RALYL: variants seen among roughly 807,000 people sequenced by gnomAD.
RALYL encodes the protein RNA-binding Raly-like protein.
A neutral mutation model predicts 35.1 loss-of-function variants in RALYL; 29 were observed. That is an observed-to-expected ratio of 0.83 (90% CI 0.61 to 1.13). The LOEUF is 1.13. RALYL is among the 50% of genes most tolerant of loss of function. The pLI is 0.00. For synonymous variants in RALYL, 120 were observed against 127.6 expected, an observed-to-expected ratio of 0.94 and a Z score of 0.40; for missense variants, 359 against 360.4, an observed-to-expected ratio of 1.00 and a Z score of 0.03.
At chr8:84,778,035 A>G (rs1323482732) in intron 3 of RALYL, among the ~76,000 whole-genome samples, 1 of 152,168 alleles carries the variant, frequency 6.6e-6, no homozygotes, top group Non-Finnish European at 1.5e-5. Flanking sequence ...TTTAGTGTGT[A>G]TCTACTATGG....
chr8:84,902,314 A>G (rs972018142), intron 8 of RALYL, among the ~76,000 whole-genome samples: 1 of 152,092 alleles, frequency 6.6e-6, no homozygotes, highest in African/African-American at 2.4e-5. Context: ...TTTCAAACAG[A>G]CAGATCTCAC....
At chr8:84,897,595 T>C (rs1373312891) in intron 8 of RALYL, among the ~76,000 whole-genome samples, 2 of 152,208 alleles carry the variant, frequency 1.3e-5, no homozygotes, top group Non-Finnish European at 2.9e-5. Flanking sequence ...GTTTTTGCTA[T>C]AGATTTGTTC....
At chr8:84,384,092 T>G (rs997111280) in intron 1 of RALYL, among the ~76,000 whole-genome samples, 1 of 151,886 alleles carries the variant, frequency 6.6e-6, no homozygotes, top group Middle Eastern at 3.4e-3. Flanking sequence ...TTATTCTCAT[T>G]TTTACAAAAT....
chr8:84,798,003 C>G (rs574351100), intron 3 of RALYL, among the ~76,000 whole-genome samples: 2 of 152,258 alleles, frequency 1.3e-5, no homozygotes, highest in Admixed American at 6.5e-5. Context: ...ATCTTCTGCC[C>G]CCTTCTGAAC....
intron 1 of RALYL, among the ~76,000 whole-genome samples, chr8:84,448,424 TGTTA>T (rs1355924010): frequency 2.0e-5 from 3 of 152,050 alleles, no homozygotes; most frequent in East Asian, 3.9e-4. Context: ...TTAAAAATAA[TGTTA>T]GTTTTTAAAA....
chr8:84,308,211 C>T (rs1167626965), intron 1 of RALYL, among the ~76,000 whole-genome samples: 1 of 151,654 alleles, frequency 6.6e-6, no homozygotes, highest in African/African-American at 2.4e-5. Context: ...AAAATACTTA[C>T]AAAAATAATA....
At chr8:84,259,756 G>A (rs1396458535) in intron 1 of RALYL, among the ~76,000 whole-genome samples, 1 of 152,142 alleles carries the variant, frequency 6.6e-6, no homozygotes, top group Non-Finnish European at 1.5e-5. Flanking sequence ...TCAACAGCCA[G>A]AAAAACAACA....
chr8:84,266,616 G>C (rs1309978971), intron 1 of RALYL, among the ~76,000 whole-genome samples: 1 of 152,148 alleles, frequency 6.6e-6, no homozygotes, highest in Non-Finnish European at 1.5e-5. Flanking sequence ...ACTTTTCCTA[G>C]ACAGAGATTG....
chr8:84,798,591 C>G (rs114930146), intron 3 of RALYL, among the ~76,000 whole-genome samples: 166 of 152,348 alleles, frequency 1.1e-3, no homozygotes, highest in African/African-American at 3.9e-3. Context: ...AACCTGTACA[C>G]TTAAGCCCTT....
chr8:84,533,502 C>A (rs576600914), intron 2 of RALYL, among the ~76,000 whole-genome samples: 1 of 152,128 alleles, frequency 6.6e-6, no homozygotes, highest in African/African-American at 2.4e-5. Context: ...TCTTTATATT[C>A]GGATTATTTT....
chr8:84,380,084 G>T (rs1857673876), intron 1 of RALYL, among the ~76,000 whole-genome samples: 1 of 143,962 alleles, frequency 6.9e-6, no homozygotes, highest in African/African-American at 2.7e-5. Context: ...TGTGTGTGTG[G>T]TGTACACATT....
intron 1 of RALYL, among the ~76,000 whole-genome samples, chr8:84,205,510 A>G (rs751983227): frequency 6.6e-6 from 1 of 152,170 alleles, no homozygotes; most frequent in African/African-American, 2.4e-5. Flanking sequence ...CACATATGCA[A>G]AGGGAAAGCC....
chr8:84,497,733 C>A (rs531858800), intron 1 of RALYL, among the ~76,000 whole-genome samples: 5 of 150,956 alleles, frequency 3.3e-5, no homozygotes, highest in Non-Finnish European at 7.4e-5. Flanking sequence ...CCTCCACCTC[C>A]TGGGTTCAAG....
At chr8:84,203,053 T>C (rs564261125) in intron 1 of RALYL, among the ~76,000 whole-genome samples, 1 of 152,238 alleles carries the variant, frequency 6.6e-6, no homozygotes, top group African/African-American at 2.4e-5. Context: ...CAAAAGAATG[T>C]TAGTTATTCG....
intron 1 of RALYL, among the ~76,000 whole-genome samples, chr8:84,451,962 G>A (rs967587129): frequency 4.6e-5 from 7 of 151,802 alleles, no homozygotes; most frequent in Non-Finnish European, 1.0e-4. Flanking sequence ...TGTTCTAAAG[G>A]GCAGCCCTGA....
intron 2 of RALYL, among the ~76,000 whole-genome samples, chr8:84,729,938 T>G (rs1454175016): frequency 6.6e-6 from 1 of 152,042 alleles, no homozygotes; most frequent in Admixed American, 6.6e-5. Context: ...GATTCACAGC[T>G]GAATTCTACC....
At chr8:84,237,463 G>T (rs79298418) in intron 1 of RALYL, among the ~76,000 whole-genome samples, 15,357 of 152,040 alleles carry the variant, frequency 0.1, 1,080 homozygotes, top group African/African-American at 0.2. Context: ...GAAATTTGAG[G>T]TATTAAAGAA....
At chr8:84,208,277 A>G (rs1302537476) in intron 1 of RALYL, among the ~76,000 whole-genome samples, 1 of 152,150 alleles carries the variant, frequency 6.6e-6, no homozygotes, top group Non-Finnish European at 1.5e-5. Flanking sequence ...AAATTTTTTA[A>G]TTTCATTGAC....
intron 1 of RALYL, among the ~76,000 whole-genome samples, chr8:84,273,342 G>T (rs772645652): frequency 6.6e-6 from 1 of 152,196 alleles, no homozygotes; most frequent in Non-Finnish European, 1.5e-5. Flanking sequence ...CCAGGTACTC[G>T]CCACATGGGC....
Sources: gnomAD v4.1 joint callset for allele counts (sites outside exome capture counted in the v4.1 genomes callset) on GRCh38, gnomAD v4.1.1 for gene constraint, MANE v1.5 for transcripts, NCBI Gene and HGNC (gene_info 2026-07-23, HGNC 2026-07-21) for gene names.